DENND1A: variants seen among roughly 807,000 people sequenced by gnomAD.
DENND1A encodes the protein DENN domain containing 1A, also known as DENN domain-containing protein 1A.
A neutral mutation model predicts 113.7 loss-of-function variants in DENND1A; 51 were observed. That is an observed-to-expected ratio of 0.45 (90% CI 0.36 to 0.57). The LOEUF (loss-of-function observed/expected upper bound fraction) is 0.57, where lower values mean the gene tolerates loss of function less well. Ranked by LOEUF, DENND1A falls within the 20% of genes least tolerant of loss-of-function variation. DENND1A has a pLI of 0.00. For synonymous variants in DENND1A, 565 were observed against 570.8 expected (o/e 0.99, Z 0.14); for missense variants, 1,258 against 1,395.9 (o/e 0.90, Z 1.57).
chr9:123,615,553 T>C (rs2060612648), intron 10 of DENND1A, among the ~76,000 whole-genome samples: 2 of 152,330 alleles, frequency 1.3e-5, no homozygotes, highest in Non-Finnish European at 2.9e-5. Context: ...TTCTGGTCCC[T>C]GAAGTGCCTC....
intron 5 of DENND1A, among the ~76,000 whole-genome samples, chr9:123,748,861 G>A (rs763274535): frequency 1.8e-4 from 27 of 152,220 alleles, no homozygotes; most frequent in African/African-American, 4.1e-4. Flanking sequence ...CCCTCATGTC[G>A]AATTCTGAGA....
chr9:123,570,378 G>C (rs1020523490), intron 12 of DENND1A, among the ~76,000 whole-genome samples: 4 of 152,172 alleles, frequency 2.6e-5, no homozygotes, highest in African/African-American at 7.2e-5. Context: ...GAGATGGGCA[G>C]AAAGTGGATT....
intron 18 of DENND1A, among the ~76,000 whole-genome samples, chr9:123,445,471 T>C (rs771703324): frequency 3.3e-5 from 5 of 152,222 alleles, no homozygotes; most frequent in African/African-American, 4.8e-5. Context: ...CCCTGGTGGT[T>C]GTATGGACAA....
At chr9:123,749,382 T>C (rs1440986210) in intron 5 of DENND1A, among the ~76,000 whole-genome samples, 2 of 152,180 alleles carry the variant, frequency 1.3e-5, no homozygotes, top group African/African-American at 4.8e-5. Context: ...GCAGTAAAAG[T>C]TGCTTTGGTG....
At chr9:123,473,335 C>T (rs923679896) in intron 13 of DENND1A, among the ~76,000 whole-genome samples, 4 of 151,948 alleles carry the variant, frequency 2.6e-5, no homozygotes, top group South Asian at 2.1e-4. Flanking sequence ...CAGGGGAGGG[C>T]GGAGGGAGAC....
chr9:123,473,599 A>T (rs1332013516), intron 13 of DENND1A, among the ~76,000 whole-genome samples: 1 of 152,164 alleles, frequency 6.6e-6, no homozygotes, highest in Admixed American at 6.5e-5. Context: ...TTCATCTTGT[A>T]AAGTCATTCT....
intron 10 of DENND1A, among the ~76,000 whole-genome samples, chr9:123,620,728 C>T (rs952155030): frequency 2.6e-5 from 4 of 152,138 alleles, no homozygotes; most frequent in Non-Finnish European, 5.9e-5. Context: ...CCACCACAGC[C>T]CAGCTTCCCT....
rs1564641330 is a variant in DENND1A at position 123,520,302 on chromosome 9, CA to C, written c.993+37267del. Among the ~76,000 whole-genome samples the C allele has an allele frequency of 2.0e-5, 3 of 151,744 alleles. No individual in the cohort carries two copies. In the South Asian group the frequency reaches 6.2e-4, roughly 32 times the overall value. The stretch of plus-strand genomic sequence containing the variant: ...TGAAACCCTGTCTCTACTAAAAGTA[CA>C]AAAAAATTAGCCGGGCATGGTGACA... On this transcript the variant is annotated intron_variant, in intron 13 of 23. Coordinates refer to ENST00000394215, the MANE Select transcript of DENND1A (RefSeq NM_001352964.2).
chr9:123,645,979 C>T (rs141444953), intron 9 of DENND1A, among the ~76,000 whole-genome samples: 1 of 152,210 alleles, frequency 6.6e-6, no homozygotes, highest in Non-Finnish European at 1.5e-5. Flanking sequence ...CTTCATTCCA[C>T]AAATATTTAT....
chr9:123,784,073 G>A (rs1018622756), intron 3 of DENND1A, among the ~76,000 whole-genome samples: 2 of 152,132 alleles, frequency 1.3e-5, no homozygotes, highest in South Asian at 4.2e-4. Context: ...CCAAAAGCCA[G>A]TTTGGACAAA....
At chr9:123,502,326 G>T (rs2052562873) in intron 13 of DENND1A, among the ~76,000 whole-genome samples, 1 of 151,110 alleles carries the variant, frequency 6.6e-6, no homozygotes, top group Non-Finnish European at 1.5e-5. Flanking sequence ...CCTAATACAG[G>T]TTCTAATTTC....
intron 13 of DENND1A, among the ~76,000 whole-genome samples, chr9:123,520,154 A>C (rs2134973818): frequency 6.7e-6 from 1 of 148,878 alleles, no homozygotes; most frequent in South Asian, 2.1e-4. Context: ...TCTCAAAAAA[A>C]AAAAAAAAAA....
intron 12 of DENND1A, among the ~76,000 whole-genome samples, chr9:123,577,908 T>G (rs745434373): frequency 6.6e-6 from 1 of 152,196 alleles, no homozygotes; most frequent in Non-Finnish European, 1.5e-5. Flanking sequence ...TACTATCAAG[T>G]CATGCCCTAC....
chr9:123,436,628 A>G (rs1588519328), intron 19 of DENND1A, among the ~76,000 whole-genome samples: 1 of 152,248 alleles, frequency 6.6e-6, no homozygotes, highest in East Asian at 1.9e-4. Flanking sequence ...TAAAGAAACT[A>G]CGTGATCAGG....
chr9:123,919,000 C>T (rs750892654), intron 1 of DENND1A, among the ~76,000 whole-genome samples: 6 of 151,964 alleles, frequency 3.9e-5, no homozygotes, highest in East Asian at 1.9e-4. Flanking sequence ...AAGGATGCAA[C>T]GGAAATCATA....
At chr9:123,761,249 C>A (rs1287096365) in intron 4 of DENND1A, among the ~76,000 whole-genome samples, 1 of 152,146 alleles carries the variant, frequency 6.6e-6, no homozygotes, top group African/African-American at 2.4e-5. Context: ...TTACTTAAAA[C>A]CTTTAAGCAC....
chr9:123,900,108 T>C (rs1851368810), intron 1 of DENND1A, among the ~76,000 whole-genome samples: 1 of 152,186 alleles, frequency 6.6e-6, no homozygotes, highest in Non-Finnish European at 1.5e-5. Flanking sequence ...AACAGAAATA[T>C]AAATATTTAT....
At chr9:123,645,777 G>C (rs933254098) in intron 9 of DENND1A, among the ~76,000 whole-genome samples, 1 of 152,136 alleles carries the variant, frequency 6.6e-6, no homozygotes, top group Non-Finnish European at 1.5e-5. Context: ...TCATGAAAAG[G>C]AACAGTCCAC....
At chr9:123,435,644 G>A (rs952373052) in intron 19 of DENND1A, among the ~76,000 whole-genome samples, 1 of 152,224 alleles carries the variant, frequency 6.6e-6, no homozygotes, top group Non-Finnish European at 1.5e-5. Context: ...GGGGGCCCTG[G>A]AAGGGGTTTG....
Sources: gnomAD v4.1 joint callset for allele counts (sites outside exome capture counted in the v4.1 genomes callset) on GRCh38, gnomAD v4.1.1 for gene constraint, MANE v1.5 for transcripts, NCBI Gene and HGNC (gene_info 2026-07-23, HGNC 2026-07-21) for gene names.